Variants in EPHA5 observed in about 807,000 individuals in gnomAD.
EPHA5 encodes EPH receptor A5.
Under a neutral mutation model 105.0 loss-of-function variants are expected in EPHA5, and 60 were observed. The observed-to-expected ratio is 0.57, with a 90% CI of 0.46 to 0.71. The LOEUF (loss-of-function observed/expected upper bound fraction) is 0.71. Ranked by LOEUF, EPHA5 falls within the 30% of genes least tolerant of loss-of-function variation. The probability of loss-of-function intolerance (pLI) is 0.00; values close to 1 mark genes in which losing one functional copy is unlikely to be tolerated. For missense variants in EPHA5, 1,218 were observed against 1,274.7 expected (o/e 0.96, Z 0.68); for synonymous variants, 513 against 449.1 (o/e 1.14, Z -1.80).
chr4:65,376,165 C>T (rs1431258431), intron 8 of EPHA5, among the ~76,000 whole-genome samples: 1 of 151,956 alleles, frequency 6.6e-6, no homozygotes, highest in South Asian at 2.1e-4. Flanking sequence ...TAAAAAGCCC[C>T]TAGGAAACTC....
At chr4:65,404,320 A>T in intron 8 of EPHA5, 54 bp downstream of exon 8, 1 of 1,474,600 alleles carries the variant, frequency 6.8e-7, no homozygotes, top group Non-Finnish European at 9.5e-7. Flanking sequence ...TGGTCAGATC[A>T]AGGTGAGGAA....
chr4:65,410,700 A>G (rs917137102), intron 7 of EPHA5, among the ~76,000 whole-genome samples: 2 of 152,230 alleles, frequency 1.3e-5, no homozygotes, highest in African/African-American at 4.8e-5. Context: ...AAAACTAGGT[A>G]AAGTGTATAA....
intron 3 of EPHA5, among the ~76,000 whole-genome samples, chr4:65,539,928 C>T (rs1357511288): frequency 6.6e-6 from 1 of 151,376 alleles, no homozygotes; most frequent in East Asian, 1.9e-4. Flanking sequence ...CATATGTTAT[C>T]ACTATATTAT....
At chr4:65,578,136 T>G (rs1459027406) in intron 3 of EPHA5, among the ~76,000 whole-genome samples, 1 of 152,062 alleles carries the variant, frequency 6.6e-6, no homozygotes, top group African/African-American at 2.4e-5. Context: ...CACCACACCC[T>G]CTCCAAATGT....
chr4:65,334,735 A>G (rs1263684095), intron 15 of EPHA5, among the ~76,000 whole-genome samples: 2 of 152,006 alleles, frequency 1.3e-5, no homozygotes, highest in African/African-American at 2.4e-5. Flanking sequence ...TAAGAAAATT[A>G]TTTAGAAATT....
At chr4:65,644,447 C>T (rs890493578) in intron 1 of EPHA5, among the ~76,000 whole-genome samples, 2 of 151,992 alleles carry the variant, frequency 1.3e-5, no homozygotes, top group Non-Finnish European at 2.9e-5. Context: ...GAAAGGGAAA[C>T]ACGTGAGTTA....
At chr4:65,551,087 T>A (rs1290070822) in intron 3 of EPHA5, among the ~76,000 whole-genome samples, 1 of 151,882 alleles carries the variant, frequency 6.6e-6, no homozygotes, top group Non-Finnish European at 1.5e-5. Flanking sequence ...CGTATGTATA[T>A]TCACATATAT....
chr4:65,645,735 C>A (rs1040550546), intron 1 of EPHA5, among the ~76,000 whole-genome samples: 1 of 151,594 alleles, frequency 6.6e-6, no homozygotes, highest in Non-Finnish European at 1.5e-5. Flanking sequence ...CTGCAGAATA[C>A]ATGAGAATAA....
At chr4:65,421,604 C>G (rs1723952235) in intron 5 of EPHA5, among the ~76,000 whole-genome samples, 1 of 152,106 alleles carries the variant, frequency 6.6e-6, no homozygotes, top group African/African-American at 2.4e-5. Flanking sequence ...GTTCTTCACT[C>G]ACTTTACTAT....
Position 65,558,799 on chromosome 4 carries a change from C to A in EPHA5, c.910+42842G>T, listed in dbSNP as rs189795655. ...GAAGGTTTGTTGCTGAAATTTAAAT[C>A]CAGGTTTTCTGCTTGGGGACCTGGC... On this transcript the variant is annotated intron_variant, in intron 3 of 16. Transcript: ENST00000613740. 1.2e-3 allele frequency among the ~76,000 whole-genome samples: 176 copies of A among 152,112 alleles called. 1 individual carries two copies. Among genetic ancestry groups the A allele is most frequent in the African/African-American group, 4.0e-3 (164 of 41,508 alleles).
chr4:65,369,945 C>T (rs555982995), intron 8 of EPHA5, among the ~76,000 whole-genome samples: 1 of 152,048 alleles, frequency 6.6e-6, no homozygotes, highest in Non-Finnish European at 1.5e-5. Context: ...CCAGCCTCGG[C>T]CACAGAGCTA....
chr4:65,538,116 T>C (rs1235249477), intron 3 of EPHA5, among the ~76,000 whole-genome samples: 1 of 151,776 alleles, frequency 6.6e-6, no homozygotes, highest in Non-Finnish European at 1.5e-5. Flanking sequence ...AGTTTCCTTG[T>C]CTTTAAACAA....
At chr4:65,401,087 A>C (rs1279436346) in intron 8 of EPHA5, among the ~76,000 whole-genome samples, 1 of 151,802 alleles carries the variant, frequency 6.6e-6, no homozygotes, top group Non-Finnish European at 1.5e-5. Context: ...AAAAAAAATC[A>C]ATCATGTTTT....
rs1722166302 is a variant in EPHA5 at position 65,404,471 on chromosome 4, C to T, written c.1696G>A (p.Ala566Thr). 2 of 1,613,330 alleles carry T rather than the reference C, an allele frequency of 1.2e-6. No homozygotes were observed. Among genetic ancestry groups the T allele is most frequent in the Non-Finnish European group, 1.7e-6 (2 of 1,179,582 alleles). ...EFETTPVSVA[A>T]SSDQSQIPVI... ...GGAATCTGGCTTTGATCGCTGGATG[C>T]TGCAACTGCTGATAGGAGATACAGA... The change falls in exon 8 of 17, where the codon GCA (alanine) becomes ACA (threonine). Residue 566 changes from alanine (A) to threonine (T), a missense_variant. Ala to Thr is a moderately conservative substitution (Grantham distance 58, BLOSUM62 0). Coordinates refer to ENST00000613740, the MANE Select transcript of EPHA5 (RefSeq NM_001281766.3).
intron 3 of EPHA5, among the ~76,000 whole-genome samples, chr4:65,503,068 A>G (rs1051046311): frequency 6.6e-6 from 1 of 151,812 alleles, no homozygotes; most frequent in East Asian, 1.9e-4. Flanking sequence ...AACTTTGTGT[A>G]CCCATGAACA....
intron 15 of EPHA5, among the ~76,000 whole-genome samples, chr4:65,332,473 G>A (rs1375696043): frequency 6.6e-6 from 1 of 151,680 alleles, no homozygotes; most frequent in African/African-American, 2.4e-5. Context: ...ATAGTATAAT[G>A]GTGGACACAT....
At chr4:65,580,092 T>G (rs1218404558) in intron 3 of EPHA5, among the ~76,000 whole-genome samples, 1 of 151,906 alleles carries the variant, frequency 6.6e-6, no homozygotes, top group African/African-American at 2.4e-5. Context: ...TTAGAGATCA[T>G]TTTAGAACAA....
chr4:65,636,036 G>C (rs1368941336), intron 2 of EPHA5, among the ~76,000 whole-genome samples: 1 of 152,096 alleles, frequency 6.6e-6, no homozygotes, highest in Non-Finnish European at 1.5e-5. Context: ...TTTTAAAATT[G>C]ATTCTAAATG....
At chr4:65,496,845 T>C (rs926771069) in intron 3 of EPHA5, among the ~76,000 whole-genome samples, 14 of 152,178 alleles carry the variant, frequency 9.2e-5, no homozygotes, top group Non-Finnish European at 5.9e-5. Context: ...TGTGAATGAA[T>C]GAATGGATTG....
Sources: gnomAD v4.1 joint callset for allele counts (sites outside exome capture counted in the v4.1 genomes callset) on GRCh38, gnomAD v4.1.1 for gene constraint, MANE v1.5 for transcripts, NCBI Gene and HGNC (gene_info 2026-07-23, HGNC 2026-07-21) for gene names.